Variants in NREP observed in about 807,000 individuals in gnomAD.
NREP encodes the protein neuronal regeneration-related protein.
In NREP, 5 loss-of-function variants were observed where a neutral mutation model predicts 8.6. The observed-to-expected ratio is 0.58, with a 90% confidence interval of 0.30 to 1.22. NREP has a LOEUF of 1.22. Among genes scored for constraint, NREP ranks in the 50% most tolerant of loss-of-function variants. The probability of loss-of-function intolerance (pLI) is 0.07; values close to 1 mark genes in which losing one functional copy is unlikely to be tolerated. For missense variants in NREP, 86 were observed against 82.5 expected (o/e 1.04, Z -0.17); for synonymous variants, 27 against 28.0 (o/e 0.96, Z 0.11).
intron 2 of NREP, among the ~76,000 whole-genome samples, chr5:111,963,478 A>C (rs1756538418): frequency 6.6e-6 from 1 of 152,220 alleles, no homozygotes. Context: ...TCAGAATGAG[A>C]AGAAATAGAG....
At chr5:111,795,309 C>T (rs1394469770) in intron 2 of NREP, among the ~76,000 whole-genome samples, 1 of 152,116 alleles carries the variant, frequency 6.6e-6, no homozygotes, top group Non-Finnish European at 1.5e-5. Flanking sequence ...GACTGTGATT[C>T]CTGTAGGAAA....
At chr5:111,931,157 A>C (rs1755526377) in intron 2 of NREP, among the ~76,000 whole-genome samples, 1 of 152,070 alleles carries the variant, frequency 6.6e-6, no homozygotes, top group South Asian at 2.1e-4. Flanking sequence ...TGGTTTTAAA[A>C]TATGTCCACA....
At chr5:111,756,621 C>T (rs1186002196) in intron 1 of NREP, among the ~76,000 whole-genome samples, 1 of 152,006 alleles carries the variant, frequency 6.6e-6, no homozygotes, top group East Asian at 1.9e-4. Context: ...TAAGGCCCTC[C>T]CCGCCAAAGT....
chr5:111,757,212 A>T (rs2112856096), upstream of NREP: 1 of 888,580 alleles, frequency 1.1e-6, no homozygotes, highest in East Asian at 1.5e-4. Context: ...AAAGGGCAAC[A>T]TGCTAGAAAG....
At chr5:111,833,079 G>C (rs564841731) in intron 2 of NREP, among the ~76,000 whole-genome samples, 2 of 152,306 alleles carry the variant, frequency 1.3e-5, no homozygotes, top group East Asian at 3.9e-4. Flanking sequence ...AAATGGACTT[G>C]CTTCCCTCTT....
chr5:111,936,140 C>T (rs550454677), intron 2 of NREP, among the ~76,000 whole-genome samples: 18 of 152,134 alleles, frequency 1.2e-4, no homozygotes, highest in Admixed American at 8.5e-4. Flanking sequence ...CAATCCTATC[C>T]GATTAAGGGC....
At chr5:111,782,030 T>C (rs553866064) in intron 2 of NREP, among the ~76,000 whole-genome samples, 2 of 152,278 alleles carry the variant, frequency 1.3e-5, no homozygotes, top group South Asian at 4.1e-4. Context: ...ACAGAGAAAA[T>C]GTATGTAAAG....
At chr5:111,851,465 A>G (rs1045621751) in intron 2 of NREP, among the ~76,000 whole-genome samples, 4 of 152,184 alleles carry the variant, frequency 2.6e-5, no homozygotes, top group Non-Finnish European at 4.4e-5. Flanking sequence ...ACATATATAG[A>G]GAGTTCCAAT....
At chr5:111,969,539 A>G (rs1453711599) in intron 2 of NREP, 1 of 152,224 alleles carries the variant, frequency 6.6e-6, no homozygotes, top group Non-Finnish European at 1.5e-5. Flanking sequence ...GGAATTGGTG[A>G]TGGTTAGCCT....
chr5:111,975,356 C>A, exon 2 of NREP: 1 of 1,551,594 alleles, frequency 6.4e-7, no homozygotes, highest in Non-Finnish European at 8.7e-7. Context: ...CCTCTGGGTT[C>A]GTGTTTCATC....
chr5:111,830,932 G>A (rs1226693005), intron 2 of NREP, among the ~76,000 whole-genome samples: 1 of 152,202 alleles, frequency 6.6e-6, no homozygotes, highest in Non-Finnish European at 1.5e-5. Flanking sequence ...AACTACAGCA[G>A]AAATTGATGT....
intron 2 of NREP, among the ~76,000 whole-genome samples, chr5:111,753,117 T>C (rs1358904616): frequency 6.6e-6 from 1 of 151,554 alleles, no homozygotes; most frequent in African/African-American, 2.4e-5. Flanking sequence ...AACAAAAAGT[T>C]GGAGAATGAC....
chr5:111,799,334 T>C (rs531322516), intron 2 of NREP, among the ~76,000 whole-genome samples: 6 of 152,334 alleles, frequency 3.9e-5, no homozygotes, highest in Non-Finnish European at 5.9e-5. Flanking sequence ...GGGAATTGCA[T>C]TGAATTTGTA....
intron 2 of NREP, among the ~76,000 whole-genome samples, chr5:111,822,326 A>C (rs951177190): frequency 2.0e-5 from 3 of 152,222 alleles, no homozygotes; most frequent in Non-Finnish European, 4.4e-5. Context: ...TAACTAAAAG[A>C]CTGGGAAGCT....
Position 111,830,929 on chromosome 5 carries a change from G to A in NREP, c.136-95422C>T, listed in dbSNP as rs118077402. On this transcript the variant is annotated intron_variant, in intron 2 of 3. Coordinates refer to the NREP transcript ENST00000395634. ...TGTTACTTCTAAACTTGAAACTACA[G>A]CAGAAATTGATGTGTTATTTACTTG... Among the ~76,000 whole-genome samples the A allele has an allele frequency of 9.2e-5, 14 of 152,310 alleles. No individual in the cohort carries two copies. The East Asian group carries it at 2.5e-3, about 27-fold the overall frequency.
intron 2 of NREP, among the ~76,000 whole-genome samples, chr5:111,809,874 T>C (rs759142155): frequency 0.1 from 5,376 of 52,454 alleles, 156 homozygotes; most frequent in East Asian, 0.39. Context: ...CTTTGGCGTG[T>C]GTGTGTGTGT....
chr5:111,933,938 C>T (rs984722672), intron 2 of NREP, among the ~76,000 whole-genome samples: 6 of 152,014 alleles, frequency 3.9e-5, no homozygotes, highest in African/African-American at 7.2e-5. Flanking sequence ...CTAAAAAGAG[C>T]GAGGTTTGGT....
intron 2 of NREP, among the ~76,000 whole-genome samples, chr5:111,952,467 C>A (rs934596263): frequency 6.6e-6 from 1 of 151,968 alleles, no homozygotes; most frequent in Non-Finnish European, 1.5e-5. Flanking sequence ...ATTGACCAGT[C>A]GAGGTTATTA....
At chr5:111,768,479 A>G (rs1561658858) in intron 2 of NREP, among the ~76,000 whole-genome samples, 1 of 152,230 alleles carries the variant, frequency 6.6e-6, no homozygotes, top group African/African-American at 2.4e-5. Flanking sequence ...TAATGAGCAC[A>G]GTACCTTAAA....
Sources: allele counts gnomAD v4.1 joint callset (sites outside exome capture counted in the v4.1 genomes callset), GRCh38; gene constraint gnomAD v4.1.1; transcripts MANE v1.5; gene names NCBI Gene and HGNC (gene_info 2026-07-23, HGNC 2026-07-21).